The following PRR16 variants were observed in gnomAD, a reference collection of about 807,000 sequenced individuals.
PRR16 encodes the protein proline rich 16.
In PRR16, 6 loss-of-function variants were observed where a neutral mutation model predicts 18.2. That is an observed-to-expected ratio of 0.33 (90% confidence interval 0.18 to 0.65). The LOEUF (loss-of-function observed/expected upper bound fraction) is 0.65, where lower values mean the gene tolerates loss of function less well. PRR16 is among the 30% of genes least tolerant of loss of function. The pLI is 0.74. For missense variants in PRR16, 412 were observed against 376.6 expected (o/e 1.09, Z -0.78); for synonymous variants, 151 against 147.8 (o/e 1.02, Z -0.16).
intron 1 of PRR16, among the ~76,000 whole-genome samples, chr5:120,504,583 G>A (rs182504100): frequency 4.6e-5 from 7 of 152,252 alleles, no homozygotes; most frequent in Admixed American, 1.3e-4. Context: ...CCTTCACGGG[G>A]TTGACATGGG....
the PRR16 span, among the ~76,000 whole-genome samples, chr5:120,791,773 G>A: frequency 5.9e-5 from 9 of 152,024 alleles, no homozygotes; most frequent in Non-Finnish European, 8.8e-5. Flanking sequence ...ACAATTAAAA[G>A]AATAGGTCAT....
the PRR16 span, among the ~76,000 whole-genome samples, chr5:120,778,898 G>T: frequency 6.6e-6 from 1 of 152,070 alleles, no homozygotes; most frequent in Admixed American, 6.5e-5. Context: ...TATTAGAGAG[G>T]GAAGTATTGT....
At chr5:120,641,847 G>T (rs1181636249) in intron 1 of PRR16, among the ~76,000 whole-genome samples, 1 of 152,094 alleles carries the variant, frequency 6.6e-6, no homozygotes, top group African/African-American at 2.4e-5. Flanking sequence ...TTTGCATGTA[G>T]ATATTTATCT....
chr5:120,680,993 G>A (rs539919630), intron 1 of PRR16, among the ~76,000 whole-genome samples: 33 of 152,134 alleles, frequency 2.2e-4, no homozygotes, highest in African/African-American at 7.7e-4. Flanking sequence ...TTCTGTGCTT[G>A]GAATTAACAT....
the PRR16 span, among the ~76,000 whole-genome samples, chr5:120,771,977 G>C: frequency 6.6e-6 from 1 of 151,916 alleles, no homozygotes; most frequent in African/African-American, 2.4e-5. Flanking sequence ...TATAATAGTG[G>C]ATGCCTCTGA....
chr5:120,538,088 A>T lies in PRR16; in HGVS notation c.159+73443A>T, dbSNP rs10077215. Among the ~76,000 whole-genome samples the T allele has an allele frequency of 3.3e-3, 500 of 152,310 alleles. 6 individuals are homozygous for T. Among genetic ancestry groups the T allele is most frequent in the African/African-American group, 0.011 (476 of 41,566 alleles). Reference sequence around the variant, plus strand: ...ACCGCGCCCGGCCGTTGTTTATAATATAAGCATAATATTAGAAGATACTTT... The same window carrying T: ...ACCGCGCCCGGCCGTTGTTTATAATTTAAGCATAATATTAGAAGATACTTT... On this transcript the variant is annotated intron_variant, in intron 1 of 1. Coordinates refer to ENST00000407149, the MANE Select transcript of PRR16 (RefSeq NM_001300783.2).
the PRR16 span, among the ~76,000 whole-genome samples, chr5:120,760,969 T>A: frequency 6.6e-6 from 1 of 152,278 alleles, no homozygotes; most frequent in African/African-American, 2.4e-5. Flanking sequence ...CTACAGTTCT[T>A]GTTTCAGAAT....
At chr5:120,542,902 T>A (rs1282260380) in intron 1 of PRR16, among the ~76,000 whole-genome samples, 1 of 152,172 alleles carries the variant, frequency 6.6e-6, no homozygotes, top group Non-Finnish European at 1.5e-5. Context: ...AATAATACAG[T>A]CATTAACGAG....
chr5:120,504,708 C>G (rs1423223375), intron 1 of PRR16, among the ~76,000 whole-genome samples: 4 of 152,124 alleles, frequency 2.6e-5, no homozygotes, highest in African/African-American at 2.4e-5. Flanking sequence ...GCTTCCCAGC[C>G]AAGCAGGTCC....
the PRR16 span, among the ~76,000 whole-genome samples, chr5:120,729,502 C>A: frequency 6.6e-6 from 1 of 152,010 alleles, no homozygotes; most frequent in Non-Finnish European, 1.5e-5. Context: ...GCCAACATGG[C>A]GCTAATAAAT....
chr5:120,504,906 C>T (rs1482803192), intron 1 of PRR16, among the ~76,000 whole-genome samples: 1 of 152,102 alleles, frequency 6.6e-6, no homozygotes, highest in Non-Finnish European at 1.5e-5. Flanking sequence ...TGCCTTGCAT[C>T]TTCAAGGATT....
At chr5:120,668,887 AT>A (rs771206473) in intron 1 of PRR16, among the ~76,000 whole-genome samples, 4 of 152,000 alleles carry the variant, frequency 2.6e-5, no homozygotes, top group Non-Finnish European at 5.9e-5. Context: ...TGCCCTTAAC[AT>A]TTTTTCCTTC....
intron 1 of PRR16, among the ~76,000 whole-genome samples, chr5:120,513,255 G>T (rs72788230): frequency 0.023 from 3,470 of 152,196 alleles, 51 homozygotes; most frequent in Admixed American, 0.031. Context: ...TCTACTAGGG[G>T]ACTGGTACTT....
intron 1 of PRR16, among the ~76,000 whole-genome samples, chr5:120,614,754 C>T (rs1185731624): frequency 1.3e-5 from 2 of 152,162 alleles, no homozygotes; most frequent in Non-Finnish European, 2.9e-5. Flanking sequence ...CTCAGCCAAC[C>T]AGCAGAACAG....
chr5:120,777,761 G>A, the PRR16 span, among the ~76,000 whole-genome samples: 1 of 152,074 alleles, frequency 6.6e-6, no homozygotes, highest in African/African-American at 2.4e-5. Context: ...ATATACAGAA[G>A]CGCACTGAAT....
chr5:120,775,771 C>T, the PRR16 span, among the ~76,000 whole-genome samples: 1 of 147,574 alleles, frequency 6.8e-6, no homozygotes, highest in African/African-American at 2.5e-5. Context: ...GCTGGGATTA[C>T]AGGCACCTGC....
chr5:120,791,064 CTT>C, the PRR16 span, among the ~76,000 whole-genome samples: 1 of 152,008 alleles, frequency 6.6e-6, no homozygotes, highest in African/African-American at 2.4e-5. Flanking sequence ...TATTTGTTCT[CTT>C]AATTAAAAAG....
chr5:120,566,610 C>T (rs1237606492), intron 1 of PRR16, among the ~76,000 whole-genome samples: 1 of 145,686 alleles, frequency 6.9e-6, no homozygotes, highest in Non-Finnish European at 1.5e-5. Flanking sequence ...ATCAATTTAT[C>T]CATGTATAAA....
chr5:120,537,193 T>C (rs1751746216), intron 1 of PRR16, among the ~76,000 whole-genome samples: 1 of 152,152 alleles, frequency 6.6e-6, no homozygotes, highest in African/African-American at 2.4e-5. Flanking sequence ...GAACCTAAAA[T>C]AAAAGTTAAA....
Sources: gnomAD v4.1 joint callset for allele counts (sites outside exome capture counted in the v4.1 genomes callset) on GRCh38, gnomAD v4.1.1 for gene constraint, MANE v1.5 for transcripts, NCBI Gene and HGNC (gene_info 2026-07-23, HGNC 2026-07-21) for gene names.